PCDHGA7: variants seen among roughly 807,000 people sequenced by gnomAD.
The protein encoded by PCDHGA7 is protocadherin gamma-A7.
A neutral mutation model predicts 58.3 loss-of-function variants in PCDHGA7; 44 were observed. The ratio of observed to expected loss-of-function variants is 0.75; its 90% CI spans 0.59 to 0.97. PCDHGA7 has a LOEUF of 0.97. PCDHGA7 is among the 50% of genes least tolerant of loss of function. The pLI is 0.00. For missense variants in PCDHGA7, 1,266 were observed against 1,188.7 expected, an observed-to-expected ratio of 1.06 and a Z score of -0.96; for synonymous variants, 516 against 504.2, an observed-to-expected ratio of 1.02 and a Z score of -0.31.
intron 1 of PCDHGA7, among the ~76,000 whole-genome samples, chr5:141,488,571 A>G (rs2099677106): frequency 6.6e-6 from 1 of 152,194 alleles, no homozygotes; most frequent in East Asian, 1.9e-4. Flanking sequence ...TCCGCAAAGC[A>G]TTGCTGGAGA....
intron 1 of PCDHGA7, among the ~76,000 whole-genome samples, chr5:141,450,561 A>G (rs1381887193): frequency 6.6e-6 from 1 of 151,856 alleles, no homozygotes; most frequent in Admixed American, 6.6e-5. Flanking sequence ...GTCTCGGCTC[A>G]CTGCAACTTC....
Position 141,476,017 on chromosome 5 carries a change from G to C in PCDHGA7, c.2425-18790G>C. The C allele has an allele frequency of 1.5e-6, 2 of 1,369,942 alleles. No individual in the cohort carries two copies. The highest frequency in any genetic ancestry group is 2.0e-6 in the Non-Finnish European group (2 of 1,015,658). The allele number at this position is 1,369,942 out of a possible 1,614,324, so 84.9% of individuals were successfully genotyped here. A position where few individuals can be genotyped will look rare whatever the true frequency, so the allele number is the denominator to read the frequency against. On this transcript the variant is annotated intron_variant, in intron 1 of 3. Coordinates refer to ENST00000518325, the MANE Select transcript of PCDHGA7 (RefSeq NM_018920.4). This position sits in a 1 kb window ranked among gnomAD's most constrained non-coding sequence, Gnocchi z 7.6. ...CAACGGCATCCAGAAAGCCATGTCG[G>C]ACTCGGCGCCCAGCGCCCAAGCGCT...
At chr5:141,387,764 A>AT (rs1054166588) in intron 1 of PCDHGA7, 8 of 1,430,464 alleles carry the variant, frequency 5.6e-6, no homozygotes, top group Non-Finnish European at 7.4e-6. Context: ...AAAAAGAAGA[A>AT]TTTTTTCTTG....
chr5:141,478,624 T>C (rs1300260980), intron 1 of PCDHGA7: 3 of 1,554,196 alleles, frequency 1.9e-6, no homozygotes, highest in Non-Finnish European at 2.6e-6. Context: ...AATGGAGCTG[T>C]TTTTTTAGTG....
chr5:141,453,669 G>T (rs1390396079), intron 1 of PCDHGA7, among the ~76,000 whole-genome samples: 1 of 152,034 alleles, frequency 6.6e-6, no homozygotes, highest in Non-Finnish European at 1.5e-5. Context: ...TTACACAAAA[G>T]GTAACACACT....
At chr5:141,451,288 C>G (rs1308574266) in intron 1 of PCDHGA7, among the ~76,000 whole-genome samples, 3 of 152,200 alleles carry the variant, frequency 2.0e-5, no homozygotes, top group Non-Finnish European at 4.4e-5. Context: ...GCCTCTGCCT[C>G]AAAGTCTTAC....
intron 1 of PCDHGA7, chr5:141,403,774 C>T (rs1350465491): frequency 1.9e-6 from 3 of 1,613,668 alleles, no homozygotes; most frequent in Non-Finnish European, 1.7e-6. Flanking sequence ...AGGGAATCAA[C>T]GGAAAAGTGG....
rs1481171398 is a variant in PCDHGA7 at position 141,455,879 on chromosome 5, ATTT to A, written c.2425-38927_2425-38925del. 3.8e-4 allele frequency among the ~76,000 whole-genome samples: 56 copies of A among 147,786 alleles called. No individual in the cohort carries two copies. In the East Asian group the frequency reaches 8.9e-3, roughly 23 times the overall value. On this transcript the variant is annotated intron_variant, in intron 1 of 3. Coordinates refer to ENST00000518325, the MANE Select transcript of PCDHGA7 (RefSeq NM_018920.4). ...TCTTTTATTATTTATTTATTTATTTATTTATTTATTTATTTATTTATTTATTTA... is the reference window on the plus strand; with the variant it reads ...TCTTTTATTATTTATTTATTTATTTAATTTATTTATTTATTTATTTATTTA...
At chr5:141,497,768 G>A (rs920949258) in intron 2 of PCDHGA7, among the ~76,000 whole-genome samples, 8 of 152,070 alleles carry the variant, frequency 5.3e-5, no homozygotes, top group East Asian at 1.9e-4. Flanking sequence ...CAAACTCCCC[G>A]ACCTCAACTG....
chr5:141,487,783 G>T lies in PCDHGA7; in HGVS notation c.2425-7024G>T. The T allele has an allele frequency of 6.6e-7, 1 of 1,522,846 alleles. No homozygotes were observed. The allele number at this position is 1,522,846 out of a possible 1,614,324, so 94.3% of individuals were successfully genotyped here. ...ACGCTGTGCTTTGTAACTGTTTCGT[G>T]AATTAACCAGAGTTGTCACAGTTTA... is the stretch of plus-strand genomic sequence containing the variant. On this transcript the variant is annotated intron_variant, in intron 1 of 3. Transcript: ENST00000518325. The surrounding 1 kb of genome is among the most constrained non-coding windows in gnomAD (Gnocchi z 5.0).
chr5:141,424,690 TA>T (rs796070231), intron 1 of PCDHGA7: 89 of 152,358 alleles, frequency 5.8e-4, no homozygotes, highest in African/African-American at 1.9e-3. Context: ...TCCTTCTGGC[TA>T]TTTTTTTGTT....
rs1299573831 is a variant in PCDHGA7 at position 141,500,662 on chromosome 5, T to A, written c.2484-4731T>A. 5.3e-5 allele frequency among the ~76,000 whole-genome samples: 8 copies of A among 152,352 alleles called. No homozygotes were observed. The East Asian group carries it at 1.5e-3, about 29-fold the overall frequency. ...TTTTTAAAAATAGCAACTGAGGCCA[T>A]ACTGTCCAACAGAATTATAGCTTTT... On this transcript the variant is annotated intron_variant, in intron 2 of 3. Coordinates refer to ENST00000518325, the MANE Select transcript of PCDHGA7 (RefSeq NM_018920.4).
In PCDHGA7 at chr5:141,501,310, C is replaced by T. The variant is rs958976594; in HGVS notation, c.2484-4083C>T. ...CCTTATACACACACACACACACACA[C>T]ACACACACACACACACACACACACC... On this transcript the variant is annotated intron_variant, in intron 2 of 3. Transcript: ENST00000518325. Among the ~76,000 whole-genome samples, 4 of 151,684 alleles carry T rather than the reference C, an allele frequency of 2.6e-5. No individual in the cohort carries two copies. The South Asian group carries it at 8.3e-4, about 32-fold the overall frequency.
chr5:141,415,772 T>TTTTA, intron 1 of PCDHGA7: 1 of 1,332,982 alleles, frequency 7.5e-7, no homozygotes, highest in Non-Finnish European at 9.6e-7. Context: ...TTTTTTTTTT[T>TTTTA]ACTTTCTGGT....
Position 141,487,356 on chromosome 5 carries a change from C to A in PCDHGA7, c.2425-7451C>A. On this transcript the variant is annotated intron_variant, in intron 1 of 3. Coordinates refer to ENST00000518325, the MANE Select transcript of PCDHGA7 (RefSeq NM_018920.4). The surrounding 1 kb of genome is among the most constrained non-coding windows in gnomAD (Gnocchi z 5.0). ...GCCTGTGGAGTCACATGCTTTCCTG[C>A]TGGCACCTGTGCCTGTCTCACCAGA... 1 of 1,614,220 alleles carries A rather than the reference C, an allele frequency of 6.2e-7. No individual in the cohort carries two copies. The highest frequency in any genetic ancestry group is 8.5e-7 in the Non-Finnish European group (1 of 1,180,042).
chr5:141,430,832 G>A (rs1398773861), intron 1 of PCDHGA7: 1 of 1,555,686 alleles, frequency 6.4e-7, no homozygotes, highest in South Asian at 1.3e-5. Flanking sequence ...GACTCTGTGG[G>A]AGACCGGATG....
chr5:141,427,775 G>A (rs768191014), intron 1 of PCDHGA7: 35 of 1,424,948 alleles, frequency 2.5e-5, no homozygotes, highest in Non-Finnish European at 2.9e-5. Context: ...TGGAGCTGCG[G>A]GCACTGTCGT....
chr5:141,423,106 G>T lies in PCDHGA7; in HGVS notation c.2424+37783G>T, dbSNP rs562864937. On this transcript the variant is annotated intron_variant, in intron 1 of 3. Coordinates refer to ENST00000518325, the MANE Select transcript of PCDHGA7 (RefSeq NM_018920.4). ...CGCGGTGGGGGAGCACACGGGCGAGGTGCGTACAGCGCGGGCACTGCTGGA... is the reference window on the plus strand; with the variant it reads ...CGCGGTGGGGGAGCACACGGGCGAGTTGCGTACAGCGCGGGCACTGCTGGA... The T allele has an allele frequency of 1.2e-5, 19 of 1,613,894 alleles. No individual in the cohort carries two copies. The African/African-American group carries it at 2.1e-4, about 18-fold the overall frequency.
intron 1 of PCDHGA7, among the ~76,000 whole-genome samples, chr5:141,443,858 T>C (rs1325927807): frequency 6.6e-6 from 1 of 152,162 alleles, no homozygotes; most frequent in Non-Finnish European, 1.5e-5. Context: ...GTCTGAAAAC[T>C]GAAAAAATTA....
Sources: gnomAD v4.1 joint callset for allele counts (sites outside exome capture counted in the v4.1 genomes callset) on GRCh38, gnomAD v4.1.1 for gene constraint, Gnocchi (gnomAD v3.1) non-coding constraint, MANE v1.5 for transcripts, NCBI Gene and HGNC (gene_info 2026-07-23, HGNC 2026-07-21) for gene names.